MPPED2: variants seen among roughly 807,000 people sequenced by gnomAD.
The protein encoded by MPPED2 is metallophosphoesterase domain containing 2.
Under a neutral mutation model 33.0 loss-of-function variants are expected in MPPED2, and 5 were observed. The observed-to-expected ratio is 0.15, with a 90% CI of 0.08 to 0.32. MPPED2 has a LOEUF of 0.32. Ranked by LOEUF, MPPED2 falls within the 10% of genes least tolerant of loss-of-function variation. The pLI, the probability that MPPED2 is intolerant of heterozygous loss-of-function variation, is 1.00. For synonymous variants in MPPED2, 136 were observed against 141.9 expected (o/e 0.96, Z 0.29); for missense variants, 275 against 372.1 (o/e 0.74, Z 2.15).
intron 2 of MPPED2, among the ~76,000 whole-genome samples, chr11:30,578,080 C>T (rs577466918): frequency 6.6e-6 from 1 of 152,172 alleles, no homozygotes; most frequent in South Asian, 2.1e-4. Flanking sequence ...TAAAGTGTTG[C>T]CAAGTAACTT....
At chr11:30,482,654 A>G (rs774986187) in intron 4 of MPPED2, among the ~76,000 whole-genome samples, 1 of 152,194 alleles carries the variant, frequency 6.6e-6, no homozygotes, top group Non-Finnish European at 1.5e-5. Flanking sequence ...ATATTTTCAG[A>G]GTGAGACAAA....
At chr11:30,534,997 A>C (rs1379179894) in intron 3 of MPPED2, among the ~76,000 whole-genome samples, 3 of 152,238 alleles carry the variant, frequency 2.0e-5, no homozygotes, top group Non-Finnish European at 4.4e-5. Context: ...ATATGTACTC[A>C]GATGTCAACC....
chr11:30,430,433 T>C (rs993772825), intron 4 of MPPED2, among the ~76,000 whole-genome samples: 3 of 152,240 alleles, frequency 2.0e-5, no homozygotes, highest in African/African-American at 7.2e-5. Context: ...AAATAGAATA[T>C]ATCATTAAAC....
intron 3 of MPPED2, among the ~76,000 whole-genome samples, chr11:30,515,083 A>G (rs983475565): frequency 6.6e-6 from 1 of 152,140 alleles, no homozygotes; most frequent in Non-Finnish European, 1.5e-5. Flanking sequence ...CAAAAGAGTG[A>G]GACTCTATCT....
At chr11:30,552,890 C>A (rs1955782139) in intron 2 of MPPED2, among the ~76,000 whole-genome samples, 1 of 152,150 alleles carries the variant, frequency 6.6e-6, no homozygotes, top group Non-Finnish European at 1.5e-5. Flanking sequence ...AGGTAAGAAT[C>A]ACCATGAGTC....
downstream of MPPED2, among the ~76,000 whole-genome samples, chr11:30,406,232 G>A (rs1234876358): frequency 1.3e-5 from 2 of 152,102 alleles, no homozygotes; most frequent in Non-Finnish European, 2.9e-5. Context: ...TCACAGATTG[G>A]CAGCTGGTCC....
intron 4 of MPPED2, among the ~76,000 whole-genome samples, chr11:30,474,825 T>C (rs1951107957): frequency 6.6e-6 from 1 of 152,152 alleles, no homozygotes; most frequent in Non-Finnish European, 1.5e-5. Flanking sequence ...TCCAATGTTT[T>C]GAGTCATTTT....
chr11:30,412,844 A>AT (rs1948171233), intron 6 of MPPED2, among the ~76,000 whole-genome samples: 2 of 152,264 alleles, frequency 1.3e-5, no homozygotes, highest in East Asian at 1.9e-4. Flanking sequence ...GTAATTAATG[A>AT]TTTTTTTCAA....
chr11:30,403,739 A>T (rs1167820165), intron 6 of MPPED2, among the ~76,000 whole-genome samples: 1 of 152,178 alleles, frequency 6.6e-6, no homozygotes, highest in African/African-American at 2.4e-5. Context: ...AAGATGCCAT[A>T]CTTCGGCTTC....
intron 2 of MPPED2, among the ~76,000 whole-genome samples, chr11:30,575,933 T>G (rs1350354653): frequency 6.6e-6 from 1 of 152,186 alleles, no homozygotes. Context: ...CATAGCTCCA[T>G]GAGGAAGAAA....
At chr11:30,506,366 T>C (rs1340925811) in intron 3 of MPPED2, among the ~76,000 whole-genome samples, 3 of 152,184 alleles carry the variant, frequency 2.0e-5, no homozygotes, top group Non-Finnish European at 4.4e-5. Flanking sequence ...TTTTATCCTG[T>C]CTTCTGTTTT....
At chr11:30,429,135 G>A (rs1948971520) in intron 4 of MPPED2, 1 of 152,154 alleles carries the variant, frequency 6.6e-6, no homozygotes, top group South Asian at 2.1e-4. Context: ...ATATAACCTT[G>A]AATAAGTACC....
intron 3 of MPPED2, among the ~76,000 whole-genome samples, chr11:30,520,356 C>G (rs539353330): frequency 1.3e-5 from 2 of 152,254 alleles, no homozygotes; most frequent in African/African-American, 4.8e-5. Context: ...GGCATTAACA[C>G]AAATTCCGGA....
chr11:30,428,884 T>A (rs758923648), intron 4 of MPPED2: 1 of 152,232 alleles, frequency 6.6e-6, no homozygotes, highest in Non-Finnish European at 1.5e-5. Context: ...GATATTAATA[T>A]CACCAACCCT....
chr11:30,394,046 T>G (rs953085733), intron 6 of MPPED2, among the ~76,000 whole-genome samples: 1 of 152,238 alleles, frequency 6.6e-6, no homozygotes, highest in African/African-American at 2.4e-5. Context: ...GAGACTGTCT[T>G]CTTTCACTCA....
At chr11:30,453,125 C>T (rs777432194) in intron 4 of MPPED2, among the ~76,000 whole-genome samples, 5 of 152,166 alleles carry the variant, frequency 3.3e-5, no homozygotes, top group Non-Finnish European at 7.3e-5. Flanking sequence ...AGACTAATCT[C>T]TCAGCAGCTA....
chr11:30,563,783 G>C (rs143298043), intron 2 of MPPED2, among the ~76,000 whole-genome samples: 1 of 152,206 alleles, frequency 6.6e-6, no homozygotes, highest in Non-Finnish European at 1.5e-5. Flanking sequence ...CATGGACAAG[G>C]CAGAGGATTC....
At chr11:30,390,119 T>C (rs1346911057) in intron 6 of MPPED2, among the ~76,000 whole-genome samples, 1 of 152,258 alleles carries the variant, frequency 6.6e-6, no homozygotes, top group South Asian at 2.1e-4. Context: ...ACTAGATATT[T>C]ACTAATTTTG....
chr11:30,475,827 C>T (rs1565104517), intron 4 of MPPED2, among the ~76,000 whole-genome samples: 1 of 151,996 alleles, frequency 6.6e-6, no homozygotes, highest in Admixed American at 6.6e-5. Flanking sequence ...AAGAAACTGC[C>T]AAAAAGTTTT....
Sources: allele counts gnomAD v4.1 joint callset (sites outside exome capture counted in the v4.1 genomes callset), GRCh38; gene constraint gnomAD v4.1.1; transcripts MANE v1.5; gene names NCBI Gene and HGNC (gene_info 2026-07-23, HGNC 2026-07-21).